Variants in RANBP17 observed in about 807,000 individuals in gnomAD.
The protein encoded by RANBP17 is ran-binding protein 17.
A neutral mutation model predicts 141.2 loss-of-function variants in RANBP17; 158 were observed. The observed-to-expected ratio is 1.12, with a 90% confidence interval of 0.98 to 1.28. The LOEUF (loss-of-function observed/expected upper bound fraction) is 1.28, where lower values mean the gene tolerates loss of function less well. RANBP17 is among the 50% of genes most tolerant of loss of function. The probability of loss-of-function intolerance (pLI) is 0.00; values close to 1 mark genes in which losing one functional copy is unlikely to be tolerated. For synonymous variants in RANBP17, 430 were observed against 450.0 expected (o/e 0.96, Z 0.56); for missense variants, 1,438 against 1,290.7 (o/e 1.11, Z -1.75).
chr5:171,136,796 G>A (rs182473065), intron 14 of RANBP17, among the ~76,000 whole-genome samples: 1 of 152,258 alleles, frequency 6.6e-6, no homozygotes, highest in Non-Finnish European at 1.5e-5. Flanking sequence ...TCCGCTTGAT[G>A]TACACAATTA....
At chr5:171,073,017 TAAG>T (rs1220572290) in intron 14 of RANBP17, among the ~76,000 whole-genome samples, 4 of 151,434 alleles carry the variant, frequency 2.6e-5, no homozygotes, top group Admixed American at 6.6e-5. Context: ...AGGCAGCTAA[TAAG>T]AACAGAAAAC....
Position 171,199,519 on chromosome 5 carries a change from G to A in RANBP17, c.2039-151G>A, listed in dbSNP as rs576440447. 6.4e-5 allele frequency: 30 copies of A among 467,318 alleles called. No homozygotes were observed. In the South Asian group the frequency reaches 1.4e-3, roughly 23 times the overall value. 28.9% of individuals were successfully genotyped at this position (467,318 alleles called of 1,614,324 possible). ...AGAAGGCACAACACCAGAATATTCA[G>A]TGAGCAAAAGTACAAAATGTGGCAT... On this transcript the variant is annotated intron_variant, in intron 18 of 27. Coordinates refer to ENST00000523189, the MANE Select transcript of RANBP17 (RefSeq NM_022897.5).
At chr5:171,274,583 G>C (rs1160404684) in intron 25 of RANBP17, among the ~76,000 whole-genome samples, 1 of 152,042 alleles carries the variant, frequency 6.6e-6, no homozygotes, top group Non-Finnish European at 1.5e-5. Context: ...TGATTTATAA[G>C]TCATCAAATT....
At chr5:171,119,359 T>C (rs1051440428) in intron 14 of RANBP17, among the ~76,000 whole-genome samples, 3 of 152,228 alleles carry the variant, frequency 2.0e-5, no homozygotes, top group Non-Finnish European at 4.4e-5. Flanking sequence ...CTGATTTTGA[T>C]ATCGGGGTTA....
chr5:171,144,800 T>C (rs1435508379), intron 14 of RANBP17, among the ~76,000 whole-genome samples: 1 of 152,228 alleles, frequency 6.6e-6, no homozygotes, highest in Admixed American at 6.5e-5. Flanking sequence ...TAGTTTCTTT[T>C]GTCATGATCT....
At chr5:171,077,670 A>G (rs759011993) in intron 14 of RANBP17, among the ~76,000 whole-genome samples, 30 of 152,208 alleles carry the variant, frequency 2.0e-4, no homozygotes, top group Non-Finnish European at 3.4e-4. Flanking sequence ...TTTAATACAC[A>G]TTTCTCTCTG....
At chr5:170,970,681 GTTAAGACACTATT>G (rs1172092593) in intron 14 of RANBP17, 1 of 152,062 alleles carries the variant, frequency 6.6e-6, no homozygotes, top group Non-Finnish European at 1.5e-5. Context: ...GCATGAATGG[GTTAAGACACTATT>G]TTTTTTAAAT....
At chr5:171,130,431 C>CTTTTT (rs72051535) in intron 14 of RANBP17, among the ~76,000 whole-genome samples, 3,387 of 89,972 alleles carry the variant, frequency 0.038, 129 homozygotes, top group East Asian at 0.045. Context: ...TTTAAAAAGA[C>CTTTTT]TTTTTTTTTT....
chr5:171,240,809 TA>T, intron 22 of RANBP17, 118 bp from the exon 23 acceptor site: 1 of 628,834 alleles, frequency 1.6e-6, no homozygotes, highest in Non-Finnish European at 2.7e-6. Flanking sequence ...AAAAAATTCT[TA>T]AAAATATGCT....
intron 14 of RANBP17, among the ~76,000 whole-genome samples, chr5:171,112,420 A>T (rs1755300743): frequency 6.6e-6 from 1 of 151,958 alleles, no homozygotes; most frequent in African/African-American, 2.4e-5. Flanking sequence ...TATTGTGTCC[A>T]AACAAACAAA....
chr5:170,910,513 TC>T (rs1377752575), intron 6 of RANBP17: 3 of 157,042 alleles, frequency 1.9e-5, no homozygotes, highest in African/African-American at 7.2e-5. Flanking sequence ...AGTTAACCTG[TC>T]AGCCAGTTAA....
At chr5:170,927,029 T>C (rs1201464075) in intron 12 of RANBP17, among the ~76,000 whole-genome samples, 3 of 152,144 alleles carry the variant, frequency 2.0e-5, no homozygotes, top group Non-Finnish European at 4.4e-5. Context: ...CTGTTGACAA[T>C]GATTTTAGTG....
intron 16 of RANBP17, among the ~76,000 whole-genome samples, chr5:171,179,380 G>T (rs757810871): frequency 6.6e-6 from 1 of 152,040 alleles, no homozygotes; most frequent in Non-Finnish European, 1.5e-5. Flanking sequence ...ATGTGTGTCT[G>T]TGTGTGTGTC....
At chr5:170,991,667 C>T (rs943092868) in intron 14 of RANBP17, among the ~76,000 whole-genome samples, 9 of 151,984 alleles carry the variant, frequency 5.9e-5, no homozygotes, top group East Asian at 1.9e-4. Context: ...ACTTTTTCTG[C>T]GTATCAGTTT....
intron 13 of RANBP17, among the ~76,000 whole-genome samples, chr5:170,967,579 A>C (rs1776671097): frequency 6.6e-6 from 1 of 151,226 alleles, no homozygotes; most frequent in African/African-American, 2.4e-5. Context: ...TAGGAAATTT[A>C]ACATAATCTT....
Position 170,953,682 on chromosome 5 carries a change from G to T in RANBP17, c.1554G>T (p.Met518Ile), listed in dbSNP as rs776461525. 3.7e-6 allele frequency: 6 copies of T among 1,604,602 alleles called. No individual in the cohort carries two copies. Among genetic ancestry groups the T allele is most frequent in the Non-Finnish European group, 4.3e-6 (5 of 1,172,070 alleles). The change falls in exon 13 of 28, where the codon ATG becomes ATT. Residue 518 changes from methionine (M) to isoleucine (I), a missense_variant. Transcript: ENST00000523189. Reference sequence around the variant, plus strand: ...CCAGTACAGATGAGCATGATGCTATGGATGGAGAATTATCCTGTCGGTAAG... The same window carrying T: ...CCAGTACAGATGAGCATGATGCTATTGATGGAGAATTATCCTGTCGGTAAG... Reference protein sequence around the residue: ...TYTSTDEHDAMDGELSCRVFQ... With the variant: ...TYTSTDEHDAIDGELSCRVFQ...
At chr5:171,169,823 G>T (rs146836667) in intron 14 of RANBP17, among the ~76,000 whole-genome samples, 102 of 151,752 alleles carry the variant, frequency 6.7e-4, no homozygotes, top group African/African-American at 2.4e-3. Flanking sequence ...CCGTCTTCCA[G>T]AAAGGGGTGG....
chr5:170,917,809 C>T (rs190231302), intron 9 of RANBP17, among the ~76,000 whole-genome samples: 24 of 152,146 alleles, frequency 1.6e-4, no homozygotes, highest in Admixed American at 4.6e-4. Flanking sequence ...AACATCCTTA[C>T]GTTAATGTTT....
chr5:170,941,698 A>G (rs1310759617), intron 12 of RANBP17, among the ~76,000 whole-genome samples: 1 of 152,232 alleles, frequency 6.6e-6, no homozygotes, highest in Non-Finnish European at 1.5e-5. Flanking sequence ...TTCATTACCA[A>G]TAAAAGAAGT....
Sources: allele counts gnomAD v4.1 joint callset (sites outside exome capture counted in the v4.1 genomes callset), GRCh38; gene constraint gnomAD v4.1.1; transcripts MANE v1.5; gene names NCBI Gene and HGNC (gene_info 2026-07-23, HGNC 2026-07-21).